Variants in SCPEP1 observed in about 807,000 individuals in gnomAD.
The protein encoded by SCPEP1 is serine carboxypeptidase 1.
SCPEP1 carries 51 observed loss-of-function variants against 63.8 expected under a neutral mutation model. The ratio of observed to expected loss-of-function variants is 0.80; its 90% confidence interval spans 0.64 to 1.01. The LOEUF is 1.01. Ranked by LOEUF, SCPEP1 falls within the 50% of genes least tolerant of loss-of-function variation. The pLI is 0.00. For missense variants in SCPEP1, 499 were observed against 554.9 expected (o/e 0.90, Z 1.01); for synonymous variants, 204 against 207.8 (o/e 0.98, Z 0.16).
intron 12 of SCPEP1, among the ~76,000 whole-genome samples, chr17:57,002,420 A>G (rs926205498): frequency 3.3e-5 from 5 of 152,170 alleles, no homozygotes; most frequent in Admixed American, 1.3e-4. Flanking sequence ...TCTCTACAAA[A>G]AATATGAAAA....
intron 1 of SCPEP1, among the ~76,000 whole-genome samples, chr17:56,979,700 A>G (rs1793943478): frequency 2.0e-5 from 3 of 152,206 alleles, no homozygotes; most frequent in African/African-American, 7.2e-5. Context: ...TAAAAAAATC[A>G]TCTACATGAG....
At chr17:56,993,972 C>T (rs1189054739) in intron 6 of SCPEP1, among the ~76,000 whole-genome samples, 1 of 152,124 alleles carries the variant, frequency 6.6e-6, no homozygotes, top group Non-Finnish European at 1.5e-5. Flanking sequence ...AAGGTTAAGC[C>T]CGGGAGGTGA....
intron 1 of SCPEP1, among the ~76,000 whole-genome samples, chr17:56,980,784 G>A (rs1397580504): frequency 9.3e-5 from 7 of 75,046 alleles, no homozygotes; most frequent in Non-Finnish European, 1.1e-4. Flanking sequence ...GCGAGACTTC[G>A]TATCAAAAAA....
chr17:56,978,330 C>G (rs1910975249), intron 1 of SCPEP1, 95 bp downstream of exon 1: 1 of 1,366,050 alleles, frequency 7.3e-7, no homozygotes, highest in Non-Finnish European at 9.6e-7. Flanking sequence ...AAACATGTCT[C>G]TTTTCCCCGG....
intron 2 of SCPEP1, chr17:56,983,820 C>G (rs1911133801): frequency 6.7e-6 from 1 of 150,346 alleles, no homozygotes; most frequent in African/African-American, 2.4e-5. Context: ...AGCCCTGACT[C>G]TATCTTGTCT....
At chr17:57,001,947 T>C (rs1911750073) in intron 11 of SCPEP1, 71 bp from the exon 12 acceptor site, 6 of 1,516,870 alleles carry the variant, frequency 4.0e-6, no homozygotes, top group Non-Finnish European at 4.4e-6. Flanking sequence ...CACCAACTTT[T>C]AGGACCTAGA....
At position 56,985,359 on chromosome 17, in the gene SCPEP1, T is replaced by C; in HGVS notation, c.226-19T>C. ...AAGATCTGACTAAAATTTTTGTTTG[T>C]TTCTTCTCTCTTCCATAGGGCGGTC... On this transcript the variant is annotated intron_variant, in intron 2 of 12. Coordinates refer to ENST00000262288, the MANE Select transcript of SCPEP1 (RefSeq NM_021626.3). The C allele has an allele frequency of 6.2e-7, 1 of 1,608,888 alleles. No individual in the cohort carries two copies.
At chr17:56,992,853 C>G (rs914967425) in intron 6 of SCPEP1, among the ~76,000 whole-genome samples, 3 of 152,154 alleles carry the variant, frequency 2.0e-5, no homozygotes, top group Non-Finnish European at 4.4e-5. Context: ...CAGTACGTTT[C>G]GCTTCCTGGC....
intron 9 of SCPEP1, 66 bp downstream of exon 9, chr17:56,997,121 T>TAAA (rs369404186): frequency 2.8e-4 from 204 of 726,648 alleles, no homozygotes; most frequent in Middle Eastern, 5.6e-4. Flanking sequence ...ACCTGTTTAT[T>TAAA]AAAAAAAAAA....
chr17:56,980,899 T>TA (rs1911049551), intron 1 of SCPEP1, among the ~76,000 whole-genome samples, 183 bp from the exon 2 acceptor site: 1 of 152,082 alleles, frequency 6.6e-6, no homozygotes. Context: ...ATGCCGCTGT[T>TA]AAGTTTGGTT....
intron 12 of SCPEP1, 53 bp downstream of exon 12, chr17:57,002,234 C>G (rs1597923628): frequency 6.3e-7 from 1 of 1,580,344 alleles, no homozygotes; most frequent in East Asian, 2.2e-5. Context: ...AGGGAAGCCA[C>G]AGGCGGTTAT....
At chr17:56,987,655 T>C (rs762228461) in intron 3 of SCPEP1, 40 bp from the exon 4 acceptor site, 25 of 1,599,424 alleles carry the variant, frequency 1.6e-5, no homozygotes, top group Non-Finnish European at 1.9e-5. Context: ...GGTGACCAAA[T>C]GTCTGATTGC....
intron 9 of SCPEP1, among the ~76,000 whole-genome samples, chr17:56,997,418 A>G (rs563518415): frequency 2.5e-4 from 38 of 152,328 alleles, no homozygotes; most frequent in South Asian, 2.3e-3. Context: ...GTCACATAGC[A>G]TGATGTTTTT....
intron 8 of SCPEP1, chr17:56,996,015 T>C (rs1243477016): frequency 6.5e-6 from 1 of 153,042 alleles, no homozygotes; most frequent in African/African-American, 2.4e-5. Context: ...GACTTGGGAG[T>C]GTAGGCCCCT....
intron 10 of SCPEP1, 74 bp downstream of exon 10, chr17:56,998,572 A>G: frequency 9.0e-7 from 1 of 1,109,770 alleles, no homozygotes; most frequent in Non-Finnish European, 1.4e-6. Flanking sequence ...AGAGACCTGA[A>G]TTTGTAGGGT....
At chr17:56,998,705 C>T (rs1052591926) in intron 10 of SCPEP1, among the ~76,000 whole-genome samples, 7 of 152,158 alleles carry the variant, frequency 4.6e-5, no homozygotes, top group African/African-American at 1.7e-4. Context: ...TGGCTCACGC[C>T]TATAATCCCA....
chr17:56,995,180 C>T (rs554471939), intron 7 of SCPEP1, 162 bp downstream of exon 7: 49 of 600,082 alleles, frequency 8.2e-5, no homozygotes, highest in South Asian at 7.9e-4. Flanking sequence ...AGCAAGAGCT[C>T]GCCTCAGGGA....
rs1290539256 is a variant in SCPEP1 at position 56,995,023 on chromosome 17, G to C, written c.657+5G>C. On this transcript the variant is annotated splice_donor_5th_base_variant and intron_variant, in intron 7 of 12. Transcript: ENST00000262288. The stretch of plus-strand genomic sequence containing the variant: ...GGACCTTACCTGTACAGCATGGTAA[G>C]TAGATACACATCTGCACCCTCTGGG... 1 of 1,612,552 alleles carries C rather than the reference G, an allele frequency of 6.2e-7. No homozygotes were observed. Among genetic ancestry groups the C allele is most frequent in the East Asian group, 2.2e-5 (1 of 44,878 alleles).
chr17:57,002,381 A>T (rs1017306502), intron 12 of SCPEP1, among the ~76,000 whole-genome samples, 200 bp downstream of exon 12: 1 of 152,182 alleles, frequency 6.6e-6, no homozygotes, highest in African/African-American at 2.4e-5. Context: ...GGAGTTTGAG[A>T]CCAGCCTGGG....
Sources: gnomAD v4.1 joint callset for allele counts (sites outside exome capture counted in the v4.1 genomes callset) on GRCh38, gnomAD v4.1.1 for gene constraint, MANE v1.5 for transcripts, NCBI Gene and HGNC (gene_info 2026-07-23, HGNC 2026-07-21) for gene names.